PPM1H: variants seen among roughly 807,000 people sequenced by gnomAD.
PPM1H encodes the protein protein phosphatase 1H.
PPM1H carries 27 observed loss-of-function variants against 54.9 expected under a neutral mutation model. That is an observed-to-expected ratio of 0.49 (90% CI 0.36 to 0.68). PPM1H has a LOEUF of 0.68. Ranked by LOEUF, PPM1H falls within the 30% of genes least tolerant of loss-of-function variation. PPM1H has a pLI of 0.00. For synonymous variants in PPM1H, 305 were observed against 270.8 expected, an observed-to-expected ratio of 1.13 and a Z score of -1.24; for missense variants, 596 against 667.8, an observed-to-expected ratio of 0.89 and a Z score of 1.19.
chr12:62,909,727 T>C (rs1353984369), intron 1 of PPM1H, among the ~76,000 whole-genome samples: 1 of 152,192 alleles, frequency 6.6e-6, no homozygotes. Context: ...ACACTACATA[T>C]TTATTTGCAA....
chr12:62,919,187 TAA>T (rs1426658749), intron 1 of PPM1H, among the ~76,000 whole-genome samples: 2 of 152,184 alleles, frequency 1.3e-5, no homozygotes, highest in African/African-American at 2.4e-5. Flanking sequence ...ATAAAACTAT[TAA>T]AAGACTGTTT....
chr12:62,852,228 CAAAAAAAAAA>C (rs59673617), intron 1 of PPM1H, among the ~76,000 whole-genome samples: 3 of 60,404 alleles, frequency 5.0e-5, no homozygotes, highest in Non-Finnish European at 3.4e-5. Context: ...GACTCTGTCT[CAAAAAAAAAA>C]AAAAAAAAAA....
At chr12:62,672,940 A>C (rs1285080769) in intron 8 of PPM1H, among the ~76,000 whole-genome samples, 1 of 152,204 alleles carries the variant, frequency 6.6e-6, no homozygotes, top group Non-Finnish European at 1.5e-5. Flanking sequence ...AGGAGAGTGG[A>C]AGAAACAAAT....
rs1182915025 is a variant in PPM1H, at chr12:62,827,129, C to A, written c.411+4985G>T. ...TTAGGCTTGTGTGTGAGCTCCAAAC[C>A]CTTATTTCTAATTTCCTACAAAACA... is the stretch of plus-strand genomic sequence containing the variant. On this transcript the variant is annotated intron_variant, in intron 2 of 9. Transcript: ENST00000228705. 5.3e-5 allele frequency among the ~76,000 whole-genome samples: 8 copies of A among 152,124 alleles called. No individual in the cohort carries two copies. In the East Asian group the frequency reaches 9.6e-4, roughly 18 times the overall value.
chr12:62,731,048 A>T (rs1014628613), intron 5 of PPM1H, among the ~76,000 whole-genome samples: 2 of 152,246 alleles, frequency 1.3e-5, no homozygotes, highest in African/African-American at 4.8e-5. Context: ...TGTATATATA[A>T]GCTATTACAG....
At chr12:62,725,227 A>G (rs1345099794) in intron 5 of PPM1H, among the ~76,000 whole-genome samples, 1 of 152,198 alleles carries the variant, frequency 6.6e-6, no homozygotes, top group East Asian at 1.9e-4. Context: ...TGTTCTTCCA[A>G]GCTGCTGGAC....
At chr12:62,795,649 G>A (rs778806383) in intron 3 of PPM1H, among the ~76,000 whole-genome samples, 2 of 151,956 alleles carry the variant, frequency 1.3e-5, no homozygotes, top group Non-Finnish European at 2.9e-5. Flanking sequence ...TTTCACCGTG[G>A]TCTCAATCTC....
intron 8 of PPM1H, among the ~76,000 whole-genome samples, chr12:62,678,161 G>A (rs1002763086): frequency 5.9e-5 from 9 of 152,162 alleles, no homozygotes; most frequent in Non-Finnish European, 1.2e-4. Flanking sequence ...TGCCTATGCT[G>A]GCCTCAAACT....
chr12:62,933,881 G>C (rs1366651524), intron 1 of PPM1H: 1 of 152,194 alleles, frequency 6.6e-6, no homozygotes, highest in African/African-American at 2.4e-5. Flanking sequence ...AGGGCTGAGG[G>C]AAATAGTACT....
chr12:62,890,204 T>G (rs1870734477), intron 1 of PPM1H, among the ~76,000 whole-genome samples: 1 of 152,180 alleles, frequency 6.6e-6, no homozygotes, highest in Non-Finnish European at 1.5e-5. Context: ...CTCATGCCTG[T>G]AATCCCAGCA....
Position 62,666,180 on chromosome 12 carries a change from C to T in PPM1H, c.1397+998G>A, listed in dbSNP as rs116956240. Among the ~76,000 whole-genome samples the T allele has an allele frequency of 7.0e-3, 1,069 of 152,240 alleles. 6 individuals carry two copies. Among genetic ancestry groups the T allele is most frequent in the Non-Finnish European group, 0.011 (758 of 68,024 alleles). ...GCAACCTCTGTCTCCGGGGTTCAAG[C>T]GATTCTCATGCCTTAGCCTCTCAAG... On this transcript the variant is annotated intron_variant, in intron 9 of 9. Transcript: ENST00000228705.
At chr12:62,684,715 C>T (rs1256834020) in intron 8 of PPM1H, among the ~76,000 whole-genome samples, 3 of 152,070 alleles carry the variant, frequency 2.0e-5, no homozygotes, top group African/African-American at 7.2e-5. Context: ...AAAGACAGAA[C>T]ATAGCAGGGG....
intron 6 of PPM1H, among the ~76,000 whole-genome samples, chr12:62,699,106 T>C (rs1426976254): frequency 6.6e-6 from 1 of 152,254 alleles, no homozygotes; most frequent in Non-Finnish European, 1.5e-5. Flanking sequence ...TTCAGGCATG[T>C]GAAGGAAAGC....
At chr12:62,826,948 T>C (rs1868297904) in intron 2 of PPM1H, among the ~76,000 whole-genome samples, 1 of 152,168 alleles carries the variant, frequency 6.6e-6, no homozygotes, top group African/African-American at 2.4e-5. Flanking sequence ...CATAGATACC[T>C]TCCCTCTTCA....
At chr12:62,823,394 T>G (rs983586481) in intron 2 of PPM1H, among the ~76,000 whole-genome samples, 1 of 152,198 alleles carries the variant, frequency 6.6e-6, no homozygotes, top group Non-Finnish European at 1.5e-5. Context: ...ACTAATTTTA[T>G]GAGGCCAGCA....
intron 8 of PPM1H, among the ~76,000 whole-genome samples, chr12:62,678,901 G>T (rs1457585464): frequency 6.6e-6 from 1 of 152,036 alleles, no homozygotes; most frequent in East Asian, 1.9e-4. Context: ...TGGCCAGGCT[G>T]GTCTTGAACT....
intron 1 of PPM1H, among the ~76,000 whole-genome samples, chr12:62,886,448 C>T (rs1478666577): frequency 6.6e-6 from 1 of 152,060 alleles, no homozygotes; most frequent in Non-Finnish European, 1.5e-5. Flanking sequence ...TGGAAAAGTG[C>T]TGTATTTTTT....
At chr12:62,747,141 C>CTT (rs59711942) in intron 4 of PPM1H, among the ~76,000 whole-genome samples, 5 of 144,590 alleles carry the variant, frequency 3.5e-5, no homozygotes, top group African/African-American at 1.0e-4. Flanking sequence ...GGTTTTTTTT[C>CTT]TTTTTTTTTT....
At chr12:62,923,748 A>G (rs924354266) in intron 1 of PPM1H, among the ~76,000 whole-genome samples, 2 of 152,192 alleles carry the variant, frequency 1.3e-5, no homozygotes, top group Non-Finnish European at 2.9e-5. Flanking sequence ...ATTCCGAGTT[A>G]TAATCAAAAT....
Sources: allele counts gnomAD v4.1 joint callset (sites outside exome capture counted in the v4.1 genomes callset), GRCh38; gene constraint gnomAD v4.1.1; transcripts MANE v1.5; gene names NCBI Gene and HGNC (gene_info 2026-07-23, HGNC 2026-07-21).